The following CEP250 variants were observed in gnomAD, a reference collection of about 807,000 sequenced individuals.
CEP250 encodes the protein centrosome-associated protein CEP250.
Under a neutral mutation model 315.7 loss-of-function variants are expected in CEP250, and 242 were observed. The observed-to-expected ratio is 0.77, with a 90% CI of 0.69 to 0.85. The LOEUF (loss-of-function observed/expected upper bound fraction) is 0.85. Among genes scored for constraint, CEP250 ranks in the 40% least tolerant of loss-of-function variants. The pLI, the probability that CEP250 is intolerant of heterozygous loss-of-function variation, is 0.00. For missense variants in CEP250, 2,515 were observed against 2,886.4 expected (o/e 0.87, Z 2.95); for synonymous variants, 1,088 against 1,175.0 (o/e 0.93, Z 1.51).
Position 35,476,539 on chromosome 20 carries a change from G to A in CEP250, c.1807G>A (p.Ala603Thr). 4 of 1,614,092 alleles carry A rather than the reference G, an allele frequency of 2.5e-6. No individual in the cohort carries two copies. ...DLRAAAVKLS[A>T]LNEALALDKV... Reference sequence around the variant, plus strand: ...TCGGGCTGCAGCTGTCAAGCTCAGTGCCTTAAATGAGGCTTTGGCGTTAGA... The same window carrying A: ...TCGGGCTGCAGCTGTCAAGCTCAGTACCTTAAATGAGGCTTTGGCGTTAGA... The change falls in exon 16 of 35, where the codon GCC becomes ACC. Residue 603 changes from alanine (A) to threonine (T), a missense_variant. By Grantham distance (58) the Ala-to-Thr change is moderately conservative (BLOSUM62 0). Transcript: ENST00000397527.
rs2063093452 is a variant in CEP250 at position 35,473,859 on chromosome 20, CCTT to C, written c.1389-6_1389-4del. ...TATGGTCTCTGCTCATCTCTGATTC[CCTT>C]CTTCCAGGGAGCGAGAGCTGCTGCA... On this transcript the variant is annotated splice_region_variant and splice_polypyrimidine_tract_variant and intron_variant, in intron 13 of 34. Transcript: ENST00000397527. 2 of 1,605,474 alleles carry C rather than the reference CCTT, an allele frequency of 1.2e-6. No individual in the cohort carries two copies. The highest frequency in any genetic ancestry group is 1.7e-6 in the Non-Finnish European group (2 of 1,177,176).
At chr20:35,469,860 C>G (rs1446930596) in intron 9 of CEP250, 30 bp from the exon 10 acceptor site, 2 of 1,489,334 alleles carry the variant, frequency 1.3e-6, no homozygotes, top group Admixed American at 1.7e-5. Flanking sequence ...ATGGGCTGTT[C>G]TGGTGACAGT....
chr20:35,463,664 G>A, intron 5 of CEP250, 33 bp downstream of exon 5: 2 of 1,573,718 alleles, frequency 1.3e-6, no homozygotes, highest in Non-Finnish European at 1.7e-6. Flanking sequence ...CACCCCCTGG[G>A]TCCTCAGTGA....
chr20:35,490,592 C>A, intron 20 of CEP250, 45 bp from the exon 21 acceptor site: 1 of 1,582,272 alleles, frequency 6.3e-7, no homozygotes, highest in East Asian at 2.2e-5. Context: ...CCTGCCTCCC[C>A]TCCTCACCCA....
chr20:35,483,234 C>T (rs1389938772), intron 20 of CEP250, among the ~76,000 whole-genome samples: 1 of 151,484 alleles, frequency 6.6e-6, no homozygotes, highest in Non-Finnish European at 1.5e-5. Context: ...GCAGGAGAAT[C>T]GCTTGAACCT....
intron 14 of CEP250, 41 bp from the exon 15 acceptor site, chr20:35,475,461 T>A: frequency 6.2e-7 from 1 of 1,606,344 alleles, no homozygotes; most frequent in Non-Finnish European, 8.5e-7. Flanking sequence ...TTATGGCCCA[T>A]CCCTAAGAGT....
intron 30 of CEP250, 46 bp downstream of exon 30, chr20:35,505,051 C>G (rs1192954429): frequency 1.3e-6 from 2 of 1,492,968 alleles, no homozygotes; most frequent in Non-Finnish European, 1.8e-6. Context: ...ACACCCCTGT[C>G]TGGCTGAGCT....
In CEP250 at chr20:35,510,863, T is replaced by G. The variant is rs115687558; in HGVS notation, c.7066-500T>G. On this transcript the variant is annotated intron_variant, in intron 34 of 34. Coordinates refer to ENST00000397527, the MANE Select transcript of CEP250 (RefSeq NM_007186.6). Reference sequence around the variant, plus strand: ...TACAAAAATTAGCTGGACGTGGTGGTGCACACCTGTAATCGTAGCTACTCA... The same window carrying G: ...TACAAAAATTAGCTGGACGTGGTGGGGCACACCTGTAATCGTAGCTACTCA... Among the ~76,000 whole-genome samples, 1,258 of 152,152 alleles carry G rather than the reference T, an allele frequency of 8.3e-3. 10 individuals carry two copies. The highest frequency in any genetic ancestry group is 0.028 in the African/African-American group (1,176 of 41,516).
chr20:35,511,794 C>G lies in CEP250; in HGVS notation c.*168C>G. On this transcript the variant is annotated 3_prime_UTR_variant, in exon 35 of 35. Coordinates refer to ENST00000397527, the MANE Select transcript of CEP250 (RefSeq NM_007186.6). The stretch of plus-strand genomic sequence containing the variant: ...AGTAAATCTGCAACCCTGGGGAGGA[C>G]CCCAACTCACCTGGGAATGAGGCAA... The G allele has an allele frequency of 7.1e-7, 1 of 1,414,024 alleles. No individual in the cohort carries two copies. Among genetic ancestry groups the G allele is most frequent in the East Asian group, 2.5e-5 (1 of 39,504 alleles). 87.6% of individuals were successfully genotyped at this position (1,414,024 alleles called of 1,614,324 possible).
Position 35,514,762 on chromosome 20 carries a change from T to G in CEP250, c.*3136T>G, listed in dbSNP as rs1049911175. On this transcript the variant is annotated 3_prime_UTR_variant, in exon 35 of 35. Coordinates refer to ENST00000397527, the MANE Select transcript of CEP250 (RefSeq NM_007186.6). ...GTTGACACCAAAGTGCCAAAGGCTG[T>G]CTGCGCCAGGTCTGGGGCCCCCACT... 3 of 152,306 alleles carry G rather than the reference T, an allele frequency of 2.0e-5. No homozygotes were observed. The highest frequency in any genetic ancestry group is 4.4e-5 in the Non-Finnish European group (3 of 68,104). The allele number at this position is 152,306 out of a possible 1,614,324, so 9.4% of individuals were successfully genotyped here. A position where few individuals can be genotyped will look rare whatever the true frequency, so the allele number is the denominator to read the frequency against.
chr20:35,503,225 C>T lies in CEP250; in HGVS notation c.4856C>T (p.Thr1619Ile). The T allele has an allele frequency of 6.2e-7, 1 of 1,614,122 alleles. No individual in the cohort carries two copies. The highest frequency in any genetic ancestry group is 8.5e-7 in the Non-Finnish European group (1 of 1,179,998). ...ATCCATGACCTGGAGAGCCACAGCA[C>T]CGTTCTGGCAAGAGAGCTGCAGGAG... The part of the protein sequence containing the change: ...SQIHDLESHS[T>I]VLARELQERD... Residue 1619 changes from threonine to isoleucine, a missense_variant, in exon 30 of 35, where the codon ACC becomes ATC. Transcript: ENST00000397527. This position sits in a 1 kb window ranked among gnomAD's most constrained non-coding sequence, Gnocchi z 4.2.
intron 20 of CEP250, among the ~76,000 whole-genome samples, chr20:35,481,643 A>G (rs1277835233): frequency 1.4e-5 from 2 of 146,738 alleles, no homozygotes; most frequent in Non-Finnish European, 3.0e-5. Flanking sequence ...TTTTGCCTGA[A>G]GTAGGATTTT....
chr20:35,493,685 G>A, intron 23 of CEP250, 113 bp downstream of exon 23: 7 of 996,242 alleles, frequency 7.0e-6, no homozygotes, highest in Non-Finnish European at 9.7e-6. Context: ...GTTTGGGAGG[G>A]TAGATGGGTG....
rs200428450 is a variant in CEP250 at position 35,473,370 on chromosome 20, A to G, written c.1210-4A>G. 244 of 1,610,498 alleles carry G rather than the reference A, an allele frequency of 1.5e-4. No homozygotes were observed. In the Middle Eastern group the frequency reaches 2.5e-3, roughly 16 times the overall value. On this transcript the variant is annotated splice_polypyrimidine_tract_variant and splice_region_variant and intron_variant, in intron 12 of 34. Coordinates refer to ENST00000397527, the MANE Select transcript of CEP250 (RefSeq NM_007186.6). Reference sequence around the variant, plus strand: ...ATCTGGTTTCTCTTGCTCTCTCTCCACAGGACCTAAGGCAGCAGCTTGCAG... The same window carrying G: ...ATCTGGTTTCTCTTGCTCTCTCTCCGCAGGACCTAAGGCAGCAGCTTGCAG...
rs1260667979 is a variant in CEP250, at chr20:35,503,534, G to A, written c.5165G>A (p.Gly1722Glu). The A allele has an allele frequency of 1.9e-6, 3 of 1,613,968 alleles. No homozygotes were observed. In the African/African-American group the frequency reaches 4.0e-5, roughly 22 times the overall value. The change falls in exon 30 of 35, where the codon GGG becomes GAG. Residue 1722 changes from glycine to glutamate, a missense_variant. Coordinates refer to ENST00000397527, the MANE Select transcript of CEP250 (RefSeq NM_007186.6). The surrounding 1 kb of genome is among the most constrained non-coding windows in gnomAD (Gnocchi z 4.2). ...EGKGPSKAQRGSLEHMKLILR... is the reference protein window; with the variant it reads ...EGKGPSKAQRESLEHMKLILR... ...AAGGGCCCAAGTAAAGCACAGCGCGGGAGCCTAGAGCACATGAAGCTGATC... is the reference window on the plus strand; with the variant it reads ...AAGGGCCCAAGTAAAGCACAGCGCGAGAGCCTAGAGCACATGAAGCTGATC...
Position 35,503,906 on chromosome 20 carries a change from C to A in CEP250, c.5537C>A (p.Ala1846Asp). ...GAAAAGGCAGACGCCCTCCAGGGAG[C>A]TCTGGAGCAAGCCCATATGACACTG... ...VKEKADALQG[A>D]LEQAHMTLKE... Residue 1846 changes from alanine to aspartate, a missense_variant, in exon 30 of 35, where the codon GCT becomes GAT. By Grantham distance (126) the Ala-to-Asp change is moderately radical. Transcript: ENST00000397527. The surrounding 1 kb of genome is among the most constrained non-coding windows in gnomAD (Gnocchi z 4.2). 1 of 1,613,836 alleles carries A rather than the reference C, an allele frequency of 6.2e-7. No individual in the cohort carries two copies. Among genetic ancestry groups the A allele is most frequent in the Non-Finnish European group, 8.5e-7 (1 of 1,179,866 alleles).
In CEP250 at chr20:35,516,395, T is replaced by G. The variant is rs528430934; in HGVS notation, c.*4769T>G. 2.0e-5 allele frequency: 3 copies of G among 152,366 alleles called. No homozygotes were observed. The South Asian group carries it at 6.2e-4, about 32-fold the overall frequency. The allele number at this position is 152,366 out of a possible 1,614,324, so 9.4% of individuals were successfully genotyped here. On this transcript the variant is annotated 3_prime_UTR_variant, in exon 35 of 35. Transcript: ENST00000397527. ...CCCGTATCTATGAACATTCCAGCCC[T>G]GCAGGTCAGATTGCTGGCCAGGAGT...
At chr20:35,495,195 G>A (rs539542165) in intron 24 of CEP250, among the ~76,000 whole-genome samples, 2 of 152,286 alleles carry the variant, frequency 1.3e-5, no homozygotes, top group African/African-American at 4.8e-5. Context: ...TGAAAGAGTG[G>A]TTGGAGCCTG....
Position 35,511,349 on chromosome 20 carries a change from T to C in CEP250, c.7066-14T>C. On this transcript the variant is annotated splice_polypyrimidine_tract_variant and intron_variant, in intron 34 of 34. Coordinates refer to ENST00000397527, the MANE Select transcript of CEP250 (RefSeq NM_007186.6). ...CAGCTGCTCTCGCTTTTTTTTTTTTTTCCTGCCCACCAGGTGGTCCTGCTG... is the reference window on the plus strand; with the variant it reads ...CAGCTGCTCTCGCTTTTTTTTTTTTCTCCTGCCCACCAGGTGGTCCTGCTG... 1 of 1,578,638 alleles carries C rather than the reference T, an allele frequency of 6.3e-7. No homozygotes were observed. The highest frequency in any genetic ancestry group is 1.1e-5 in the South Asian group (1 of 87,556).
Sources: allele counts gnomAD v4.1 joint callset (sites outside exome capture counted in the v4.1 genomes callset), GRCh38; gene constraint gnomAD v4.1.1; non-coding constraint Gnocchi (gnomAD v3.1); transcripts MANE v1.5; gene names NCBI Gene and HGNC (gene_info 2026-07-23, HGNC 2026-07-21).